COLEC12: variants seen among roughly 807,000 people sequenced by gnomAD.
The protein encoded by COLEC12 is collectin subfamily member 12.
In COLEC12, 33 loss-of-function variants were observed where a neutral mutation model predicts 71.1. The ratio of observed to expected loss-of-function variants is 0.46; its 90% confidence interval spans 0.35 to 0.62. The LOEUF is 0.62. Ranked by LOEUF, COLEC12 falls within the 20% of genes least tolerant of loss-of-function variation. COLEC12 has a pLI of 0.00. For synonymous variants in COLEC12, 350 were observed against 353.0 expected (o/e 0.99, Z 0.10); for missense variants, 765 against 916.1 (o/e 0.84, Z 2.13).
intron 2 of COLEC12, among the ~76,000 whole-genome samples, chr18:389,175 T>TA (rs1030932106): frequency 6.7e-6 from 1 of 148,354 alleles, no homozygotes; most frequent in African/African-American, 2.5e-5. Flanking sequence ...GTAGGGGATA[T>TA]AAAAAAATAA....
intron 2 of COLEC12, among the ~76,000 whole-genome samples, chr18:367,880 C>A (rs530216818): frequency 1.3e-5 from 2 of 152,088 alleles, no homozygotes; most frequent in South Asian, 2.1e-4. Flanking sequence ...CCTGAGGCCA[C>A]GAGTTCAAGA....
At chr18:377,503 A>G (rs1190983660) in intron 2 of COLEC12, among the ~76,000 whole-genome samples, 1 of 152,210 alleles carries the variant, frequency 6.6e-6, no homozygotes. Flanking sequence ...GCAGCACAGA[A>G]GCCACCTTTC....
intron 7 of COLEC12, among the ~76,000 whole-genome samples, 154 bp from the exon 8 acceptor site, chr18:331,931 A>G (rs902496135): frequency 2.6e-5 from 4 of 152,072 alleles, no homozygotes; most frequent in Admixed American, 2.6e-4. Context: ...TTTTCTTGCT[A>G]CTTGCTTTGT....
chr18:470,817 A>G (rs1598375550), intron 2 of COLEC12, among the ~76,000 whole-genome samples: 1 of 152,328 alleles, frequency 6.6e-6, no homozygotes, highest in East Asian at 1.9e-4. Context: ...TATTTCTTAC[A>G]TATTTAAACT....
At chr18:481,705 CA>C (rs903196876) in intron 1 of COLEC12, among the ~76,000 whole-genome samples, 15 of 144,326 alleles carry the variant, frequency 1.0e-4, no homozygotes, top group Admixed American at 2.1e-4. Flanking sequence ...ACTACACCTC[CA>C]AAAAAAAAAG....
At chr18:370,297 T>G (rs1335585808) in intron 2 of COLEC12, among the ~76,000 whole-genome samples, 2 of 152,240 alleles carry the variant, frequency 1.3e-5, no homozygotes, top group Non-Finnish European at 2.9e-5. Context: ...TATGAAATTT[T>G]TATGGTATAA....
At chr18:324,576 C>G (rs2143411002) in intron 8 of COLEC12, among the ~76,000 whole-genome samples, 1 of 152,270 alleles carries the variant, frequency 6.6e-6, no homozygotes. Flanking sequence ...CACCTGTAAT[C>G]CCAGCACTTT....
chr18:454,728 C>T (rs16944789), intron 2 of COLEC12, among the ~76,000 whole-genome samples: 17,428 of 152,120 alleles, frequency 0.11, 1,386 homozygotes, highest in East Asian at 0.37. Context: ...CTATTGCTCC[C>T]TTGTCCTTGT....
At chr18:492,016 T>C (rs1026834725) in intron 1 of COLEC12, among the ~76,000 whole-genome samples, 1 of 152,202 alleles carries the variant, frequency 6.6e-6, no homozygotes, top group Non-Finnish European at 1.5e-5. Context: ...GTTCAGGATA[T>C]TTTGTAGGGG....
chr18:371,620 ATC>A (rs1475770493), intron 2 of COLEC12, among the ~76,000 whole-genome samples: 2 of 152,066 alleles, frequency 1.3e-5, no homozygotes, highest in South Asian at 2.1e-4. Context: ...AGAGAAGAAA[ATC>A]TTCTGATTAT....
At chr18:479,616 C>T (rs995671950) in intron 2 of COLEC12, among the ~76,000 whole-genome samples, 2 of 151,974 alleles carry the variant, frequency 1.3e-5, no homozygotes, top group Admixed American at 1.3e-4. Context: ...TATCCTTCTC[C>T]ATTTCCTCTG....
chr18:392,637 A>G (rs1915486476), intron 2 of COLEC12, among the ~76,000 whole-genome samples: 1 of 152,196 alleles, frequency 6.6e-6, no homozygotes, highest in Admixed American at 6.5e-5. Context: ...TTCAGCTACT[A>G]AGGAAAAAGG....
chr18:411,997 T>G lies in COLEC12; in HGVS notation c.59-54475A>C, dbSNP rs552086908. On this transcript the variant is annotated intron_variant, in intron 2 of 9. Coordinates refer to ENST00000400256, the MANE Select transcript of COLEC12 (RefSeq NM_130386.3). ...TATAACAAAAAATCTAACATTTATG[T>G]CATAAGTGTCCTAGAAGGAGAGGAG... is the stretch of plus-strand genomic sequence containing the variant. Among the ~76,000 whole-genome samples, 8 of 152,208 alleles carry G rather than the reference T, an allele frequency of 5.3e-5. No homozygotes were observed. In the East Asian group the frequency reaches 1.4e-3, roughly 26 times the overall value.
intron 1 of COLEC12, among the ~76,000 whole-genome samples, chr18:490,091 C>T (rs552075593): frequency 6.6e-6 from 1 of 152,354 alleles, no homozygotes; most frequent in East Asian, 1.9e-4. Flanking sequence ...CTCCAGGGCC[C>T]TGGCCTTAGA....
chr18:322,540 T>A (rs144383345), intron 8 of COLEC12, among the ~76,000 whole-genome samples: 56 of 152,328 alleles, frequency 3.7e-4, no homozygotes, highest in Non-Finnish European at 6.8e-4. Flanking sequence ...AACAGCACCT[T>A]GCCATGGATA....
intron 2 of COLEC12, among the ~76,000 whole-genome samples, chr18:468,742 A>G (rs921708230): frequency 2.6e-5 from 4 of 152,248 alleles, no homozygotes; most frequent in Non-Finnish European, 5.9e-5. Context: ...CCTGAAACAT[A>G]GGTAGTCTTG....
chr18:495,589 T>C (rs1567926125), intron 1 of COLEC12, among the ~76,000 whole-genome samples: 1 of 152,220 alleles, frequency 6.6e-6, no homozygotes, highest in Admixed American at 6.5e-5. Context: ...GTTTAGAGCG[T>C]CTCCTCCACT....
At chr18:493,892 G>C (rs1181714204) in intron 1 of COLEC12, among the ~76,000 whole-genome samples, 1 of 151,984 alleles carries the variant, frequency 6.6e-6, no homozygotes, top group Non-Finnish European at 1.5e-5. Context: ...GTGATTCCTT[G>C]ATGTCATATC....
At chr18:343,631 C>A (rs1200936282) in intron 5 of COLEC12, among the ~76,000 whole-genome samples, 1 of 152,178 alleles carries the variant, frequency 6.6e-6, no homozygotes, top group Non-Finnish European at 1.5e-5. Flanking sequence ...TCTAGGCTCT[C>A]TCTGGGGTGA....
Sources: allele counts gnomAD v4.1 joint callset (sites outside exome capture counted in the v4.1 genomes callset), GRCh38; gene constraint gnomAD v4.1.1; transcripts MANE v1.5; gene names NCBI Gene and HGNC (gene_info 2026-07-23, HGNC 2026-07-21).